Variants in UHRF2 observed in about 807,000 individuals in gnomAD.
UHRF2 encodes ubiquitin like with PHD and ring finger domains 2.
Under a neutral mutation model 96.8 loss-of-function variants are expected in UHRF2, and 23 were observed. That is an observed-to-expected ratio of 0.24 (90% CI 0.17 to 0.34). The LOEUF (loss-of-function observed/expected upper bound fraction) is 0.34. Ranked by LOEUF, UHRF2 falls within the 10% of genes least tolerant of loss-of-function variation. The pLI, the probability that UHRF2 is intolerant of heterozygous loss-of-function variation, is 1.00. For missense variants in UHRF2, 685 were observed against 981.5 expected (o/e 0.70, Z 4.04); for synonymous variants, 385 against 332.6 (o/e 1.16, Z -1.72).
chr9:6,477,001 T>A (rs1313934009), intron 5 of UHRF2, among the ~76,000 whole-genome samples: 3 of 152,078 alleles, frequency 2.0e-5, no homozygotes, highest in African/African-American at 7.2e-5. Flanking sequence ...GAGGCCAAGG[T>A]TGGTGAATCA....
intron 14 of UHRF2, among the ~76,000 whole-genome samples, chr9:6,501,069 A>G (rs527444224): frequency 9.2e-5 from 14 of 152,356 alleles, no homozygotes; most frequent in Admixed American, 3.3e-4. Flanking sequence ...TAAGCAGTTC[A>G]GCACAATTTT....
chr9:6,468,684 T>A, intron 4 of UHRF2: 1 of 456,060 alleles, frequency 2.2e-6, no homozygotes, highest in Non-Finnish European at 4.4e-6. Flanking sequence ...GGACTTCTGC[T>A]GGACAAGAGG....
chr9:6,478,027 A>C (rs568699880), intron 6 of UHRF2, among the ~76,000 whole-genome samples: 189 of 152,270 alleles, frequency 1.2e-3, no homozygotes, highest in African/African-American at 4.4e-3. Flanking sequence ...CTTCTCTGAT[A>C]ATAGACTCTG....
chr9:6,442,875 T>G (rs147370407), intron 3 of UHRF2, among the ~76,000 whole-genome samples: 105 of 152,286 alleles, frequency 6.9e-4, no homozygotes, highest in African/African-American at 2.4e-3. Context: ...TTTATCCTCT[T>G]AAAACCAAGG....
chr9:6,480,611 T>G (rs1397321020), intron 6 of UHRF2, among the ~76,000 whole-genome samples: 1 of 152,220 alleles, frequency 6.6e-6, no homozygotes, highest in African/African-American at 2.4e-5. Context: ...GCACTAATTT[T>G]CTCATCAGAG....
At chr9:6,461,648 A>G (rs974121418) in intron 4 of UHRF2, among the ~76,000 whole-genome samples, 2 of 152,040 alleles carry the variant, frequency 1.3e-5, no homozygotes, top group African/African-American at 4.8e-5. Context: ...TTGGGATTAC[A>G]GGTATGAGCC....
chr9:6,429,742 T>A (rs1232403477), intron 2 of UHRF2, among the ~76,000 whole-genome samples: 1 of 152,252 alleles, frequency 6.6e-6, no homozygotes, highest in Non-Finnish European at 1.5e-5. Flanking sequence ...TACATGAATT[T>A]TCTCACTTTA....
At chr9:6,438,658 G>A (rs1820990515) in intron 3 of UHRF2, among the ~76,000 whole-genome samples, 1 of 152,174 alleles carries the variant, frequency 6.6e-6, no homozygotes, top group African/African-American at 2.4e-5. Context: ...AAAGAAACCT[G>A]CCTCTGGAAT....
intron 8 of UHRF2, among the ~76,000 whole-genome samples, chr9:6,483,324 CAAAAA>C (rs34497002): frequency 3.4e-5 from 2 of 59,532 alleles, no homozygotes; most frequent in Non-Finnish European, 7.0e-5. Context: ...GACTCTGTCT[CAAAAA>C]AAAAAAAAAA....
At chr9:6,484,828 T>C (rs1231947767) in intron 8 of UHRF2, 27 of 145,222 alleles carry the variant, frequency 1.9e-4, no homozygotes, top group African/African-American at 5.9e-4. Flanking sequence ...AGTTTTGCTG[T>C]TGTTGCCCAG....
chr9:6,413,432 G>A lies in UHRF2; in HGVS notation c.-59G>A. The A allele has an allele frequency of 7.6e-7, 1 of 1,320,342 alleles. No individual in the cohort carries two copies. Among genetic ancestry groups the A allele is most frequent in the Non-Finnish European group, 9.8e-7 (1 of 1,022,756 alleles). The allele number at this position is 1,320,342 out of a possible 1,614,324, so 81.8% of individuals were successfully genotyped here. A position where few individuals can be genotyped will look rare whatever the true frequency, so the allele number is the denominator to read the frequency against. On this transcript the variant is annotated 5_prime_UTR_variant, in exon 1 of 16. Transcript: ENST00000276893. ...GGGAAAGCGGCGCGGGCCGGGCGGG[G>A]CGCGGCGCCCAGAGCTCAGGGGGAG...
intron 3 of UHRF2, among the ~76,000 whole-genome samples, chr9:6,448,382 C>CA (rs1821648454): frequency 1.3e-5 from 2 of 152,150 alleles, no homozygotes; most frequent in Admixed American, 6.5e-5. Context: ...ATTGATTTTA[C>CA]AAACTACATA....
At chr9:6,443,741 G>C (rs1209859749) in intron 3 of UHRF2, among the ~76,000 whole-genome samples, 8 of 152,172 alleles carry the variant, frequency 5.3e-5, no homozygotes. Flanking sequence ...TTAATACAGT[G>C]TCAAGGCTTT....
chr9:6,458,829 G>A (rs901679239), intron 3 of UHRF2, among the ~76,000 whole-genome samples: 9 of 152,134 alleles, frequency 5.9e-5, no homozygotes, highest in Admixed American at 2.0e-4. Flanking sequence ...AATGCCCGTC[G>A]ATGATAGACT....
intron 8 of UHRF2, among the ~76,000 whole-genome samples, chr9:6,484,891 T>G: frequency 6.6e-6 from 1 of 150,870 alleles, no homozygotes; most frequent in Non-Finnish European, 1.5e-5. Flanking sequence ...CCTCCTGGTT[T>G]CAAGCAATTC....
At position 6,506,246 on chromosome 9, in the gene UHRF2, G is replaced by A. The variant is rs879090451; in HGVS notation, c.*67G>A. 1.3e-6 allele frequency: 2 copies of A among 1,581,388 alleles called. No homozygotes were observed. The highest frequency in any genetic ancestry group is 1.2e-5 in the South Asian group (1 of 86,034). ...CAATAAAGAATCTAAAATGGGTGGG[G>A]AGGGTGGAAGAAATGGTGGACTGTA... On this transcript the variant is annotated 3_prime_UTR_variant, in exon 16 of 16. Transcript: ENST00000276893.
At chr9:6,472,729 T>A (rs1823321509) in intron 4 of UHRF2, among the ~76,000 whole-genome samples, 1 of 152,206 alleles carries the variant, frequency 6.6e-6, no homozygotes, top group Non-Finnish European at 1.5e-5. Flanking sequence ...AAGGGAAATA[T>A]GCAAAAAATT....
intron 3 of UHRF2, among the ~76,000 whole-genome samples, chr9:6,459,469 G>C (rs909766743): frequency 1.3e-5 from 2 of 152,128 alleles, no homozygotes; most frequent in African/African-American, 2.4e-5. Flanking sequence ...AGGAGTTCGA[G>C]ACCAGCCTGG....
chr9:6,462,943 G>C (rs1368493608), intron 4 of UHRF2, among the ~76,000 whole-genome samples: 1 of 151,284 alleles, frequency 6.6e-6, no homozygotes, highest in Non-Finnish European at 1.5e-5. Context: ...AAGTGATCCT[G>C]AGGTATAGTT....
Sources: gnomAD v4.1 joint callset for allele counts (sites outside exome capture counted in the v4.1 genomes callset) on GRCh38, gnomAD v4.1.1 for gene constraint, MANE v1.5 for transcripts, NCBI Gene and HGNC (gene_info 2026-07-23, HGNC 2026-07-21) for gene names.